Variants in TMEM260 observed in about 807,000 individuals in gnomAD.
TMEM260 encodes protein O-mannosyl-transferase TMEM260.
TMEM260 carries 82 observed loss-of-function variants against 88.9 expected under a neutral mutation model. That is an observed-to-expected ratio of 0.92 (90% CI 0.77 to 1.11). TMEM260 has a LOEUF of 1.11. Ranked by LOEUF, TMEM260 falls within the 50% of genes least tolerant of loss-of-function variation. TMEM260 has a pLI of 0.00. For synonymous variants in TMEM260, 314 were observed against 309.3 expected, an observed-to-expected ratio of 1.02 and a Z score of -0.16; for missense variants, 902 against 853.4, an observed-to-expected ratio of 1.06 and a Z score of -0.71.
intron 11 of TMEM260, among the ~76,000 whole-genome samples, chr14:56,622,883 T>C (rs530206806): frequency 2.0e-5 from 3 of 152,350 alleles, no homozygotes; most frequent in Admixed American, 6.5e-5. Context: ...GTTGCATTTA[T>C]ATCATGGATG....
rs142847668 is a variant in TMEM260, at chr14:56,618,771, A to G, written c.1226+8A>G. On this transcript the variant is annotated splice_region_variant and intron_variant, in intron 10 of 15. Transcript: ENST00000261556. ...AATATATTCTAATTACAGGTAATAC[A>G]TGGTTATTTTTATGAAAAGTAGCTG... The G allele has an allele frequency of 2.5e-6, 4 of 1,611,764 alleles. No homozygotes were observed. The highest frequency in any genetic ancestry group is 1.3e-5 in the African/African-American group (1 of 74,924).
intron 3 of TMEM260, among the ~76,000 whole-genome samples, chr14:56,590,190 G>A (rs753184663): frequency 1.3e-5 from 2 of 152,162 alleles, no homozygotes; most frequent in Non-Finnish European, 2.9e-5. Flanking sequence ...TAAGAGCTTG[G>A]TTCATTTGCA....
intron 15 of TMEM260, among the ~76,000 whole-genome samples, chr14:56,642,844 C>T (rs1295100740): frequency 1.3e-5 from 2 of 152,168 alleles, no homozygotes; most frequent in Non-Finnish European, 2.9e-5. Context: ...ATCAATCCCA[C>T]AGAAATACAA....
intron 5 of TMEM260, among the ~76,000 whole-genome samples, chr14:56,607,033 G>T (rs1412053027): frequency 6.6e-6 from 1 of 152,156 alleles, no homozygotes; most frequent in African/African-American, 2.4e-5. Flanking sequence ...AGCATAACAG[G>T]CAGTGTCTTT....
Position 56,647,940 on chromosome 14 carries a change from TG to T in TMEM260, c.*444del, listed in dbSNP as rs1256389927. The stretch of plus-strand genomic sequence containing the variant: ...TTTCCTGGAAAAAAAAAATGAATCA[TG>T]TTAGGCTTTAGGTGAGAGTACATTT... On this transcript the variant is annotated 3_prime_UTR_variant, in exon 16 of 16. Transcript: ENST00000261556. 6.3e-6 allele frequency: 1 copy of T among 158,780 alleles called. No homozygotes were observed. Among genetic ancestry groups the T allele is most frequent in the Non-Finnish European group, 1.4e-5 (1 of 71,642 alleles). The allele number at this position is 158,780 out of a possible 1,614,324, so 9.8% of individuals were successfully genotyped here.
intron 3 of TMEM260, among the ~76,000 whole-genome samples, chr14:56,603,362 T>A (rs1460880341): frequency 6.6e-6 from 1 of 152,178 alleles, no homozygotes; most frequent in Non-Finnish European, 1.5e-5. Context: ...AAATAGAAGG[T>A]ACCTAGGTCC....
chr14:56,585,676 G>C, intron 2 of TMEM260, 85 bp from the exon 3 acceptor site: 1 of 1,352,730 alleles, frequency 7.4e-7, no homozygotes, highest in Non-Finnish European at 1.0e-6. Context: ...AGCTGCTTGA[G>C]AAAAGGGCTA....
intron 1 of TMEM260, among the ~76,000 whole-genome samples, chr14:56,583,339 T>C (rs1885258744): frequency 6.6e-6 from 1 of 152,184 alleles, no homozygotes; most frequent in South Asian, 2.1e-4. Context: ...ACAAATGTCC[T>C]TAAGTAATTG....
intron 15 of TMEM260, among the ~76,000 whole-genome samples, chr14:56,646,534 T>C (rs1295242528): frequency 1.3e-5 from 2 of 152,130 alleles, no homozygotes; most frequent in Admixed American, 1.3e-4. Flanking sequence ...AAACTCAGTA[T>C]AAAAAAAATT....
rs1447548305 is a variant in TMEM260 at position 56,587,744 on chromosome 14, G to A, written c.344+1832G>A. On this transcript the variant is annotated intron_variant, in intron 3 of 15. Transcript: ENST00000261556. ...TAATATGAAAATACTTCATTATTTT[G>A]AATACAAATAATTGACAAGGTACAC... Among the ~76,000 whole-genome samples, 5 of 152,052 alleles carry A rather than the reference G, an allele frequency of 3.3e-5. No individual in the cohort carries two copies. In the East Asian group the frequency reaches 9.6e-4, roughly 29 times the overall value.
At chr14:56,625,238 A>AT in intron 11 of TMEM260, 144 bp from the exon 12 acceptor site, 2 of 737,410 alleles carry the variant, frequency 2.7e-6, no homozygotes, top group Non-Finnish European at 4.3e-6. Context: ...TCAGTACCAC[A>AT]TTCTCAGTTG....
At chr14:56,628,896 C>CTTTTT (rs34838221) in intron 12 of TMEM260, among the ~76,000 whole-genome samples, 1 of 145,246 alleles carries the variant, frequency 6.9e-6, no homozygotes, top group Non-Finnish European at 1.5e-5. Context: ...TTTTGTATTT[C>CTTTTT]TTTTTTTTTT....
intron 3 of TMEM260, among the ~76,000 whole-genome samples, chr14:56,601,134 T>C (rs560604532): frequency 6.6e-6 from 1 of 152,324 alleles, no homozygotes; most frequent in Non-Finnish European, 1.5e-5. Flanking sequence ...AAAATTTTAC[T>C]TTACATTCTT....
chr14:56,610,947 TTTTCTTTC>T (rs199554429), intron 6 of TMEM260, among the ~76,000 whole-genome samples: 2 of 148,906 alleles, frequency 1.3e-5, no homozygotes, highest in East Asian at 2.0e-4. Flanking sequence ...CCAAATATTC[TTTTCTTTC>T]TTTCTTTCTT....
chr14:56,580,181 G>A lies in TMEM260; in HGVS notation c.160+107G>A, dbSNP rs1885024339. ...TGGCATTCGGTCTGGTCAGCTCTGG[G>A]CCTCCATCCACCCCCCTGTGCACAG... On this transcript the variant is annotated intron_variant, in intron 1 of 15. Coordinates refer to ENST00000261556, the MANE Select transcript of TMEM260 (RefSeq NM_017799.4). 3 of 933,112 alleles carry A rather than the reference G, an allele frequency of 3.2e-6. No homozygotes were observed. The East Asian group carries it at 9.9e-5, about 31-fold the overall frequency. The allele number at this position is 933,112 out of a possible 1,614,324, so 57.8% of individuals were successfully genotyped here.
At chr14:56,629,408 T>G (rs1888441540) in intron 12 of TMEM260, among the ~76,000 whole-genome samples, 1 of 152,054 alleles carries the variant, frequency 6.6e-6, no homozygotes, top group Non-Finnish European at 1.5e-5. Context: ...TCTTTTACTT[T>G]TTGTGTTACA....
At chr14:56,596,077 A>G (rs1222884125) in intron 3 of TMEM260, among the ~76,000 whole-genome samples, 2 of 152,122 alleles carry the variant, frequency 1.3e-5, no homozygotes, top group African/African-American at 4.8e-5. Context: ...ATATAGTAGT[A>G]AAAGACAGCA....
At chr14:56,645,212 C>G (rs1162301241) in intron 15 of TMEM260, among the ~76,000 whole-genome samples, 1 of 144,620 alleles carries the variant, frequency 6.9e-6, no homozygotes, top group African/African-American at 2.5e-5. Flanking sequence ...TATTGCGGCA[C>G]TATTCACAAT....
chr14:56,596,406 G>GTGTGTGTGTGTATA lies in TMEM260; in HGVS notation c.345-7408_345-7407insGTGTGTGTGTATAT, dbSNP rs1290307932. Among the ~76,000 whole-genome samples, 25 of 111,326 alleles carry GTGTGTGTGTGTATA rather than the reference G, an allele frequency of 2.2e-4. No homozygotes were observed. The East Asian group carries it at 2.4e-3, about 10-fold the overall frequency. 73.0% of individuals were successfully genotyped at this position (111,326 alleles called of 152,430 possible). A position where few individuals can be genotyped will look rare whatever the true frequency, so the allele number is the denominator to read the frequency against. ...AGTGTGTGTGTGTGTGTGTGTGTGT[G>GTGTGTGTGTGTATA]TATATATATATATATATATACATAC... On this transcript the variant is annotated intron_variant, in intron 3 of 15. Coordinates refer to ENST00000261556, the MANE Select transcript of TMEM260 (RefSeq NM_017799.4).
Sources: gnomAD v4.1 joint callset for allele counts (sites outside exome capture counted in the v4.1 genomes callset) on GRCh38, gnomAD v4.1.1 for gene constraint, MANE v1.5 for transcripts, NCBI Gene and HGNC (gene_info 2026-07-23, HGNC 2026-07-21) for gene names.